The following MACF1 variants were observed in gnomAD, a reference collection of about 807,000 sequenced individuals.
MACF1 encodes microtubule actin crosslinking factor 1.
A neutral mutation model predicts 854.8 loss-of-function variants in MACF1; 193 were observed. That is an observed-to-expected ratio of 0.23 (90% CI 0.20 to 0.25). The LOEUF (loss-of-function observed/expected upper bound fraction) is 0.25, where lower values mean the gene tolerates loss of function less well. MACF1 is among the 10% of genes least tolerant of loss of function. The pLI is 1.00. For missense variants in MACF1, 7,722 were observed against 8,929.1 expected (o/e 0.86, Z 5.45); for synonymous variants, 3,185 against 3,226.7 (o/e 0.99, Z 0.44).
At chr1:39,200,337 A>T (rs1347741073), upstream of MACF1, among the ~76,000 whole-genome samples, 1 of 152,122 alleles carries the variant, frequency 6.6e-6, no homozygotes, top group Non-Finnish European at 1.5e-5. Context: ...TCCAGGACTT[A>T]GTCCTTGAAC....
At chr1:39,377,851 A>G (rs1006027567) in intron 52 of MACF1, among the ~76,000 whole-genome samples, 1 of 152,022 alleles carries the variant, frequency 6.6e-6, no homozygotes, top group African/African-American at 2.4e-5. Context: ...TAAAAATACA[A>G]AAATTAGCCG....
chr1:39,268,440 C>G (rs1301927616), intron 6 of MACF1: 5 of 1,056,186 alleles, frequency 4.7e-6, no homozygotes, highest in Non-Finnish European at 5.7e-6. Flanking sequence ...GCTTTTAGGT[C>G]AAGTGATTTC....
Position 39,365,025 on chromosome 1 carries a change from A to T in MACF1, c.12772-3123A>T, listed in dbSNP as rs539787542. On this transcript the variant is annotated intron_variant, in intron 49 of 100. Transcript: ENST00000564288. ...TTCTGTTATGTCTATCTAGTTGTTC[A>T]TAATAGAAGTTGAGTGCCCCAATCC... Among the ~76,000 whole-genome samples the T allele has an allele frequency of 1.3e-4, 20 of 152,104 alleles. No homozygotes were observed. In the East Asian group the frequency reaches 3.8e-3, roughly 29 times the overall value.
chr1:39,451,752 A>G (rs1469177484), intron 85 of MACF1, among the ~76,000 whole-genome samples: 2 of 152,248 alleles, frequency 1.3e-5, no homozygotes, highest in African/African-American at 4.8e-5. Flanking sequence ...AAACGTTAGT[A>G]TAATGGTTAC....
At chr1:39,140,600 A>G (rs1643316239) in intron 2 of MACF1, among the ~76,000 whole-genome samples, 1 of 152,240 alleles carries the variant, frequency 6.6e-6, no homozygotes, top group Non-Finnish European at 1.5e-5. Context: ...ACCATAGTTA[A>G]TAAGAGCTTA....
At chr1:39,436,070 G>A (rs1643967922) in intron 70 of MACF1, 2 of 407,378 alleles carry the variant, frequency 4.9e-6, no homozygotes, top group Admixed American at 8.3e-5. Flanking sequence ...AGATTCAAAA[G>A]CAGTGACTGC....
At chr1:39,131,882 A>G (rs1571080058) in intron 2 of MACF1, among the ~76,000 whole-genome samples, 1 of 152,164 alleles carries the variant, frequency 6.6e-6, no homozygotes, top group East Asian at 1.9e-4. Context: ...GCTGCCTTCA[A>G]GTGATCCTCC....
In MACF1 at chr1:39,437,939, G is replaced by A. The variant is rs991484585; in HGVS notation, c.18151G>A (p.Ala6051Thr). The change falls in exon 71 of 101, where the codon GCC becomes ACC. Residue 6051 changes from alanine (A) to threonine (T), a missense_variant. Ala to Thr is a moderately conservative substitution (Grantham distance 58). Coordinates refer to ENST00000564288, the MANE Select transcript of MACF1 (RefSeq NM_001394062.1). ...ELEKLQPSFE[A>T]LKRRGEELIG... is the part of the protein sequence containing the mutation. ...AGAAAAACTGCAGCCATCCTTTGAG[G>A]CCTTGAAGCGCCGTGGAGAGGAGCT... is the stretch of plus-strand genomic sequence containing the variant. 3.7e-6 allele frequency: 6 copies of A among 1,614,038 alleles called. No individual in the cohort carries two copies. The East Asian group carries it at 1.3e-4, about 36-fold the overall frequency.
At chr1:39,319,302 G>A (rs1195564176) in intron 30 of MACF1, among the ~76,000 whole-genome samples, 1 of 152,098 alleles carries the variant, frequency 6.6e-6, no homozygotes, top group African/African-American at 2.4e-5. Flanking sequence ...TATCACCTGG[G>A]GACATGTTAG....
upstream of MACF1, among the ~76,000 whole-genome samples, chr1:39,202,358 C>T (rs940606578): frequency 1.7e-4 from 25 of 150,888 alleles, no homozygotes; most frequent in Non-Finnish European, 3.0e-4. Context: ...AGGTGCTGGC[C>T]GGGCGCAGTG....
intron 2 of MACF1, among the ~76,000 whole-genome samples, chr1:39,151,647 G>C (rs1290028303): frequency 6.6e-6 from 1 of 152,124 alleles, no homozygotes; most frequent in Non-Finnish European, 1.5e-5. Flanking sequence ...GTGGCCCTGA[G>C]GTCCCAGTTC....
At chr1:39,414,005 C>T in intron 58 of MACF1, 1 of 1,608,502 alleles carries the variant, frequency 6.2e-7, no homozygotes, top group Non-Finnish European at 8.5e-7. Flanking sequence ...CCAGCAGCAG[C>T]AGTGCCCACC....
At chr1:39,473,551 G>A (rs1028463831) in intron 97 of MACF1, among the ~76,000 whole-genome samples, 1 of 152,204 alleles carries the variant, frequency 6.6e-6, no homozygotes, top group African/African-American at 2.4e-5. Context: ...CGGTCACACA[G>A]CGAGAGAGTG....
intron 2 of MACF1, among the ~76,000 whole-genome samples, chr1:39,242,907 T>C (rs1644942383): frequency 6.6e-6 from 1 of 152,152 alleles, no homozygotes; most frequent in African/African-American, 2.4e-5. Flanking sequence ...TCTATGAACA[T>C]TCATTTACAA....
At chr1:39,150,165 A>G (rs1643549075) in intron 2 of MACF1, among the ~76,000 whole-genome samples, 1 of 151,910 alleles carries the variant, frequency 6.6e-6, no homozygotes, top group African/African-American at 2.4e-5. Context: ...TTACAGGCGC[A>G]TGTCACCATG....
chr1:39,408,969 C>G (rs1642847159), intron 58 of MACF1, among the ~76,000 whole-genome samples: 1 of 150,024 alleles, frequency 6.7e-6, no homozygotes, highest in African/African-American at 2.5e-5. Flanking sequence ...GTCCTCCTTC[C>G]TGTGCTCTCC....
At position 39,448,161 on chromosome 1, in the gene MACF1, G is replaced by GTT; in HGVS notation, c.20088+10_20088+11dup. ...AGCTTTCTAAGCATAAGGTAAAGCA[G>GTT]TTAATTGCTCTTAGGTCCCAAGCCA... On this transcript the variant is annotated intron_variant, in intron 83 of 100. Coordinates refer to ENST00000564288, the MANE Select transcript of MACF1 (RefSeq NM_001394062.1). 1.2e-6 allele frequency: 2 copies of GTT among 1,610,824 alleles called. No homozygotes were observed. The highest frequency in any genetic ancestry group is 1.7e-6 in the Non-Finnish European group (2 of 1,178,722).
chr1:39,107,143 C>T (rs537394842), intron 2 of MACF1, among the ~76,000 whole-genome samples: 1 of 152,216 alleles, frequency 6.6e-6, no homozygotes, highest in South Asian at 2.1e-4. Flanking sequence ...TACATTAGGA[C>T]CGTCCCGGGC....
intron 14 of MACF1, among the ~76,000 whole-genome samples, chr1:39,286,535 C>T (rs1247670681): frequency 3.3e-5 from 5 of 151,114 alleles, no homozygotes; most frequent in African/African-American, 4.9e-5. Context: ...GACACGATCT[C>T]GGCTCACTGC....
Sources: gnomAD v4.1 joint callset for allele counts (sites outside exome capture counted in the v4.1 genomes callset) on GRCh38, gnomAD v4.1.1 for gene constraint, MANE v1.5 for transcripts, NCBI Gene and HGNC (gene_info 2026-07-23, HGNC 2026-07-21) for gene names.